Variants in CNTN5 observed in about 807,000 individuals in gnomAD.
CNTN5 encodes contactin-5.
Under a neutral mutation model 129.1 loss-of-function variants are expected in CNTN5, and 77 were observed. That is an observed-to-expected ratio of 0.60 (90% confidence interval 0.50 to 0.72). CNTN5 has a LOEUF of 0.72. Ranked by LOEUF, CNTN5 falls within the 30% of genes least tolerant of loss-of-function variation. The pLI is 0.00. For missense variants in CNTN5, 1,478 were observed against 1,328.8 expected, an observed-to-expected ratio of 1.11 and a Z score of -1.75; for synonymous variants, 509 against 465.6, an observed-to-expected ratio of 1.09 and a Z score of -1.20.
intron 3 of CNTN5, among the ~76,000 whole-genome samples, chr11:99,716,850 C>T (rs145706042): frequency 3.9e-5 from 6 of 152,034 alleles, no homozygotes; most frequent in South Asian, 2.1e-4. Context: ...TGTTTTAAAA[C>T]GAAAGTATTT....
At chr11:99,200,010 T>G (rs1358367171) in intron 1 of CNTN5, among the ~76,000 whole-genome samples, 1 of 152,196 alleles carries the variant, frequency 6.6e-6, no homozygotes, top group Non-Finnish European at 1.5e-5. Flanking sequence ...ATAGATAATA[T>G]AGGTCTTTGT....
At chr11:100,305,271 T>C (rs1243083527) in intron 20 of CNTN5, among the ~76,000 whole-genome samples, 1 of 151,532 alleles carries the variant, frequency 6.6e-6, no homozygotes, top group Non-Finnish European at 1.5e-5. Context: ...ACAGGTCCAT[T>C]ACTCCAAAGC....
chr11:100,304,033 A>G (rs1439776750), intron 20 of CNTN5, among the ~76,000 whole-genome samples: 1 of 151,610 alleles, frequency 6.6e-6, no homozygotes, highest in Non-Finnish European at 1.5e-5. Context: ...TTGGAAAGTC[A>G]GATGTATAAT....
At chr11:99,486,194 A>G (rs1945804740) in intron 2 of CNTN5, among the ~76,000 whole-genome samples, 2 of 152,046 alleles carry the variant, frequency 1.3e-5, no homozygotes, top group African/African-American at 4.8e-5. Flanking sequence ...TCTTTTTCAG[A>G]TATGTCTAGA....
chr11:99,711,980 C>A (rs757220307), intron 3 of CNTN5, among the ~76,000 whole-genome samples: 5 of 151,968 alleles, frequency 3.3e-5, no homozygotes, highest in African/African-American at 7.2e-5. Context: ...GATTTATAAT[C>A]CTTTGGGTAT....
chr11:99,799,004 G>A, intron 3 of CNTN5, among the ~76,000 whole-genome samples: 1 of 151,898 alleles, frequency 6.6e-6, no homozygotes, highest in East Asian at 1.9e-4. Flanking sequence ...ATATTCCTAG[G>A]TATTTTATTT....
rs189873554 is a variant in CNTN5, at chr11:99,133,698, T to G, written c.-210+112428T>G. Among the ~76,000 whole-genome samples the G allele has an allele frequency of 2.0e-5, 3 of 146,656 alleles. No homozygotes were observed. In the East Asian group the frequency reaches 6.3e-4, roughly 31 times the overall value. ...TCATTAGAGAAATGCAAATCAAAAC[T>G]ACAATGAGATATCATCTCACACCAG... On this transcript the variant is annotated intron_variant, in intron 1 of 24. Transcript: ENST00000524871.
intron 6 of CNTN5, among the ~76,000 whole-genome samples, chr11:99,895,200 G>A (rs1389003027): frequency 1.3e-5 from 2 of 152,192 alleles, no homozygotes; most frequent in African/African-American, 4.8e-5. Context: ...AGGGGACAAT[G>A]TCTCACCTTA....
intron 4 of CNTN5, among the ~76,000 whole-genome samples, chr11:99,827,972 T>A (rs1489149868): frequency 6.6e-6 from 1 of 152,110 alleles, no homozygotes; most frequent in Admixed American, 6.6e-5. Flanking sequence ...GTAGGAGATA[T>A]TGGCCATCTA....
At chr11:99,388,953 C>A (rs148692858) in intron 2 of CNTN5, among the ~76,000 whole-genome samples, 2 of 150,332 alleles carry the variant, frequency 1.3e-5, no homozygotes, top group East Asian at 2.0e-4. Context: ...ATATCTTTAA[C>A]TCAATTTAAG....
intron 3 of CNTN5, among the ~76,000 whole-genome samples, chr11:99,608,220 G>A (rs995198720): frequency 6.6e-6 from 1 of 151,924 alleles, no homozygotes; most frequent in Non-Finnish European, 1.5e-5. Flanking sequence ...TAATAAATAT[G>A]TGTTGTCCCA....
chr11:99,473,312 A>G (rs1945246862), intron 2 of CNTN5, among the ~76,000 whole-genome samples: 4 of 152,172 alleles, frequency 2.6e-5, no homozygotes, highest in African/African-American at 4.8e-5. Flanking sequence ...TTTTAAACAT[A>G]TATCTACTTG....
chr11:100,139,953 C>A (rs531581111), intron 13 of CNTN5, among the ~76,000 whole-genome samples: 1 of 152,186 alleles, frequency 6.6e-6, no homozygotes, highest in South Asian at 2.1e-4. Flanking sequence ...AGAATATAAT[C>A]CCTGGTGCAA....
intron 1 of CNTN5, among the ~76,000 whole-genome samples, chr11:99,238,561 TCATA>T (rs1861390644): frequency 6.6e-6 from 1 of 152,192 alleles, no homozygotes; most frequent in South Asian, 2.1e-4. Flanking sequence ...CATAATAACA[TCATA>T]CAGTTTGGAA....
At chr11:99,793,724 A>G (rs982673938) in intron 3 of CNTN5, among the ~76,000 whole-genome samples, 1 of 152,052 alleles carries the variant, frequency 6.6e-6, no homozygotes, top group Non-Finnish European at 1.5e-5. Context: ...ATGTAATTTG[A>G]TTGTTTGCAT....
At chr11:99,343,597 T>A (rs1318950513) in intron 2 of CNTN5, among the ~76,000 whole-genome samples, 1 of 152,214 alleles carries the variant, frequency 6.6e-6, no homozygotes, top group African/African-American at 2.4e-5. Context: ...ATTATTGTGT[T>A]ATACGTCGAT....
rs183682367 is a variant in CNTN5, at chr11:99,813,427, A to G, written c.56-6117A>G. On this transcript the variant is annotated intron_variant, in intron 3 of 24. Transcript: ENST00000524871. ...GGTCTATCTTAGAAGACACCTTTCC[A>G]TGACAGAAGTGTGGAAATTGTTAGG... Among the ~76,000 whole-genome samples the G allele has an allele frequency of 2.6e-5, 4 of 152,312 alleles. No individual in the cohort carries two copies. The East Asian group carries it at 7.7e-4, about 29-fold the overall frequency.
At chr11:99,685,295 A>C (rs1472870589) in intron 3 of CNTN5, among the ~76,000 whole-genome samples, 1 of 151,854 alleles carries the variant, frequency 6.6e-6, no homozygotes, top group East Asian at 1.9e-4. Flanking sequence ...GGAAAATTTT[A>C]GTAAATAATG....
chr11:99,233,292 T>A (rs1861097905), intron 1 of CNTN5, among the ~76,000 whole-genome samples: 3 of 152,210 alleles, frequency 2.0e-5, no homozygotes, highest in Admixed American at 2.0e-4. Flanking sequence ...CTTTTTCTCT[T>A]AACTTTCTTG....
Sources: allele counts gnomAD v4.1 joint callset (sites outside exome capture counted in the v4.1 genomes callset), GRCh38; gene constraint gnomAD v4.1.1; transcripts MANE v1.5; gene names NCBI Gene and HGNC (gene_info 2026-07-23, HGNC 2026-07-21).